The following NUTF2 variants were observed in gnomAD, a reference collection of about 807,000 sequenced individuals.
NUTF2 encodes the protein nuclear transport factor 2, also known as placental protein 15.
NUTF2 carries 3 observed loss-of-function variants against 18.5 expected under a neutral mutation model. That is an observed-to-expected ratio of 0.16 (90% CI 0.07 to 0.42). The LOEUF (loss-of-function observed/expected upper bound fraction) is 0.42. NUTF2 is among the 10% of genes least tolerant of loss of function. NUTF2 has a pLI of 0.99. For synonymous variants in NUTF2, 51 were observed against 57.9 expected, an observed-to-expected ratio of 0.88 and a Z score of 0.54; for missense variants, 44 against 160.7, an observed-to-expected ratio of 0.27 and a Z score of 3.93.
chr16:67,855,888 G>GT (rs2057892473), intron 1 of NUTF2: 1 of 184,440 alleles, frequency 5.4e-6, no homozygotes, highest in African/African-American at 3.5e-5. Context: ...TTTTTTTGGC[G>GT]GGGGGGGGGG....
Position 67,871,622 on chromosome 16 carries a change from T to G in NUTF2, c.*709T>G, listed in dbSNP as rs1464430077. ...TCCTGTGACTTCTGCTCTGGGTAGG[T>G]TCAGGGCCCTAGTAGCAGGAGAGAT... On this transcript the variant is annotated 3_prime_UTR_variant, in exon 5 of 5. Coordinates refer to ENST00000219169, the MANE Select transcript of NUTF2 (RefSeq NM_005796.3). 1.3e-5 allele frequency: 2 copies of G among 152,226 alleles called. No homozygotes were observed. Among genetic ancestry groups the G allele is most frequent in the Admixed American group, 6.5e-5 (1 of 15,284 alleles). 9.4% of individuals were successfully genotyped at this position (152,226 alleles called of 1,614,324 possible). A position where few individuals can be genotyped will look rare whatever the true frequency, so the allele number is the denominator to read the frequency against.
At chr16:67,850,361 C>T (rs1038518141) in intron 1 of NUTF2, among the ~76,000 whole-genome samples, 1 of 151,940 alleles carries the variant, frequency 6.6e-6, no homozygotes, top group Non-Finnish European at 1.5e-5. Flanking sequence ...CCCGCCACCA[C>T]GCCCGGCTAA....
chr16:67,856,187 G>GTT, intron 1 of NUTF2: 12 of 308,074 alleles, frequency 3.9e-5, no homozygotes, highest in Non-Finnish European at 6.1e-5. Context: ...ATCTCGGCCA[G>GTT]TTTTTTTTTG....
intron 1 of NUTF2, among the ~76,000 whole-genome samples, chr16:67,848,380 C>G (rs955282006): frequency 2.0e-5 from 3 of 152,166 alleles, no homozygotes; most frequent in African/African-American, 7.2e-5. Context: ...GTCCGGGGTT[C>G]CAGACTAGCA....
intron 4 of NUTF2, 163 bp from the exon 5 acceptor site, chr16:67,870,637 C>T: frequency 3.0e-6 from 2 of 658,790 alleles, no homozygotes; most frequent in Non-Finnish European, 2.8e-6. Flanking sequence ...TCATACATTA[C>T]ATCAATTCAC....
intron 1 of NUTF2, among the ~76,000 whole-genome samples, chr16:67,860,477 C>T (rs1325135226): frequency 6.6e-6 from 1 of 152,080 alleles, no homozygotes; most frequent in East Asian, 1.9e-4. Flanking sequence ...GGCTTTGTTG[C>T]TGAGGCTGGT....
At position 67,859,349 on chromosome 16, in the gene NUTF2, ATTTT is replaced by A. The variant is rs35560481; in HGVS notation, c.-29-5739_-29-5736del. 1.7e-4 allele frequency among the ~76,000 whole-genome samples: 23 copies of A among 131,914 alleles called. No homozygotes were observed. In the South Asian group the frequency reaches 5.1e-3, roughly 29 times the overall value. 86.5% of individuals were successfully genotyped at this position (131,914 alleles called of 152,430 possible). A position where few individuals can be genotyped will look rare whatever the true frequency, so the allele number is the denominator to read the frequency against. On this transcript the variant is annotated intron_variant, in intron 1 of 4. Transcript: ENST00000219169. ...TGCATGCCACCACACCCAGCTGATGATTTTTTTTTTTTTTTTTGAGGTGGAATTT... is the reference window on the plus strand; with the variant it reads ...TGCATGCCACCACACCCAGCTGATGATTTTTTTTTTTTTGAGGTGGAATTT...
rs764227177 is a variant in NUTF2, at chr16:67,870,915, C to G, written c.*2C>G. The G allele has an allele frequency of 6.2e-7, 1 of 1,606,070 alleles. No homozygotes were observed. The highest frequency in any genetic ancestry group is 8.5e-7 in the Non-Finnish European group (1 of 1,172,690). ...CTCGCCCTGCACAACTTTGGCTGAC[C>G]TCCTCTCAGCTAGGCACTCACGCTG... is the stretch of plus-strand genomic sequence containing the variant. On this transcript the variant is annotated 3_prime_UTR_variant, in exon 5 of 5. Transcript: ENST00000219169.
chr16:67,855,174 G>A (rs2057886851), intron 1 of NUTF2, among the ~76,000 whole-genome samples: 1 of 152,152 alleles, frequency 6.6e-6, no homozygotes, highest in Non-Finnish European at 1.5e-5. Context: ...CCCTCGGGGA[G>A]CCAGCAGTGT....
intron 1 of NUTF2, 101 bp from the exon 2 acceptor site, chr16:67,865,001 A>C: frequency 1.6e-6 from 1 of 635,010 alleles, no homozygotes; most frequent in East Asian, 2.8e-5. Context: ...AACAGATCTC[A>C]GCAAAGGACT....
chr16:67,853,467 C>G (rs1158426450), intron 1 of NUTF2, among the ~76,000 whole-genome samples: 2 of 152,168 alleles, frequency 1.3e-5, no homozygotes, highest in Non-Finnish European at 1.5e-5. Flanking sequence ...AAGAGATTCT[C>G]CTGCCTTAGC....
intron 1 of NUTF2, among the ~76,000 whole-genome samples, chr16:67,853,328 A>G (rs762545676): frequency 6.6e-6 from 1 of 152,024 alleles, no homozygotes; most frequent in African/African-American, 2.4e-5. Flanking sequence ...AGTAGCTGGG[A>G]CTACAGGTGC....
chr16:67,862,415 A>C (rs1218924235), intron 1 of NUTF2, among the ~76,000 whole-genome samples: 1 of 152,144 alleles, frequency 6.6e-6, no homozygotes, highest in African/African-American at 2.4e-5. Context: ...GATGTGTCCT[A>C]TTCCTCAGAG....
At chr16:67,849,904 C>T (rs2057840329) in intron 1 of NUTF2, among the ~76,000 whole-genome samples, 1 of 151,648 alleles carries the variant, frequency 6.6e-6, no homozygotes, top group South Asian at 2.1e-4. Flanking sequence ...GTGATCCGCC[C>T]GTCTCGGCCT....
rs977993890 is a variant in NUTF2, at chr16:67,871,767, AG to A, written c.*856del. ...GGCCTGCTCTATCCCCAGAAGGATC[AG>A]GATCATATCCAGGATGCCCCACATA... On this transcript the variant is annotated 3_prime_UTR_variant, in exon 5 of 5. Coordinates refer to ENST00000219169, the MANE Select transcript of NUTF2 (RefSeq NM_005796.3). The A allele has an allele frequency of 1.3e-5, 2 of 152,302 alleles. No homozygotes were observed. Among genetic ancestry groups the A allele is most frequent in the African/African-American group, 4.8e-5 (2 of 41,468 alleles). The allele number at this position is 152,302 out of a possible 1,614,324, so 9.4% of individuals were successfully genotyped here.
intron 1 of NUTF2, chr16:67,855,846 A>C (rs1176869114): frequency 5.4e-6 from 2 of 373,138 alleles, no homozygotes; most frequent in African/African-American, 2.2e-5. Context: ...AGGGGAAGAC[A>C]AGGCCTGGGC....
rs1333668342 is a variant in NUTF2, at chr16:67,871,342, T to C, written c.*429T>C. ...GTTTAAATTGTTTTAATTAGTTTAC[T>C]AGTTGGCTGGGCATCAGAAGCTACC... On this transcript the variant is annotated 3_prime_UTR_variant, in exon 5 of 5. Coordinates refer to ENST00000219169, the MANE Select transcript of NUTF2 (RefSeq NM_005796.3). The C allele has an allele frequency of 6.5e-6, 1 of 154,358 alleles. No individual in the cohort carries two copies. Among genetic ancestry groups the C allele is most frequent in the African/African-American group, 2.4e-5 (1 of 41,454 alleles). 9.6% of individuals were successfully genotyped at this position (154,358 alleles called of 1,614,324 possible).
chr16:67,847,783 T>G (rs1349629492), intron 1 of NUTF2: 1 of 152,496 alleles, frequency 6.6e-6, no homozygotes, highest in Non-Finnish European at 1.5e-5. Context: ...AACACAGAAT[T>G]GCCCCGCAGG....
chr16:67,850,192 A>C (rs1428014474), intron 1 of NUTF2, among the ~76,000 whole-genome samples: 1 of 151,102 alleles, frequency 6.6e-6, no homozygotes, highest in Non-Finnish European at 1.5e-5. Context: ...CAACCTCTAG[A>C]AGTTCCCTGT....
Sources: allele counts gnomAD v4.1 joint callset (sites outside exome capture counted in the v4.1 genomes callset), GRCh38; gene constraint gnomAD v4.1.1; transcripts MANE v1.5; gene names NCBI Gene and HGNC (gene_info 2026-07-23, HGNC 2026-07-21).